Variants in RBFOX1 observed in about 807,000 individuals in gnomAD.
RBFOX1 encodes RNA binding fox-1 homolog 1.
A neutral mutation model predicts 57.7 loss-of-function variants in RBFOX1; 8 were observed. The ratio of observed to expected loss-of-function variants is 0.14; its 90% CI spans 0.08 to 0.25. The LOEUF is 0.25. Among genes scored for constraint, RBFOX1 ranks in the 10% least tolerant of loss-of-function variants. RBFOX1 has a pLI of 1.00. For synonymous variants in RBFOX1, 326 were observed against 222.4 expected (o/e 1.47, Z -4.15); for missense variants, 611 against 548.5 (o/e 1.11, Z -1.14).
intron 4 of RBFOX1, chr16:7,422,774 A>T (rs928407529): frequency 2.0e-5 from 3 of 152,278 alleles, no homozygotes; most frequent in African/African-American, 7.2e-5. Context: ...AGCTTGAGCA[A>T]AGCAGTGTGA....
chr16:6,682,097 C>G (rs1243320206), intron 3 of RBFOX1, among the ~76,000 whole-genome samples: 1 of 152,162 alleles, frequency 6.6e-6, no homozygotes, highest in Non-Finnish European at 1.5e-5. Context: ...TGTCACGATT[C>G]TTTTAAAGTT....
At chr16:6,493,387 C>G (rs1417456665) in intron 2 of RBFOX1, among the ~76,000 whole-genome samples, 1 of 152,144 alleles carries the variant, frequency 6.6e-6, no homozygotes, top group African/African-American at 2.4e-5. Context: ...TTGCTGTACA[C>G]ACTTGTCATT....
At chr16:7,285,085 T>TA (rs2095623153) in intron 4 of RBFOX1, among the ~76,000 whole-genome samples, 1 of 144,746 alleles carries the variant, frequency 6.9e-6, no homozygotes, top group Admixed American at 6.9e-5. Flanking sequence ...CTTTTTTTTT[T>TA]TTTTTTTTTT....
chr16:7,483,134 C>G (rs998003143), intron 4 of RBFOX1, among the ~76,000 whole-genome samples: 2 of 152,126 alleles, frequency 1.3e-5, no homozygotes, highest in Non-Finnish European at 2.9e-5. Flanking sequence ...CCAGCTGTAC[C>G]AAGGCTGTGC....
intron 1 of RBFOX1, among the ~76,000 whole-genome samples, chr16:5,425,123 T>A (rs1323056688): frequency 1.3e-5 from 1 of 74,408 alleles, no homozygotes; most frequent in South Asian, 5.1e-4. Flanking sequence ...CTATCTATCT[T>A]GAGACAGAGT....
intron 2 of RBFOX1, among the ~76,000 whole-genome samples, chr16:5,510,018 C>T (rs2043525874): frequency 6.6e-6 from 1 of 152,138 alleles, no homozygotes; most frequent in African/African-American, 2.4e-5. Flanking sequence ...TCAGCCACGC[C>T]CTACCCCTGG....
At chr16:6,009,526 C>G (rs928137815) in intron 4 of RBFOX1, among the ~76,000 whole-genome samples, 3 of 152,086 alleles carry the variant, frequency 2.0e-5, no homozygotes, top group Non-Finnish European at 4.4e-5. Context: ...CTGCAAAATA[C>G]CTGTAGATTT....
At chr16:5,343,247 A>G (rs1363181836) in intron 1 of RBFOX1, among the ~76,000 whole-genome samples, 2 of 148,924 alleles carry the variant, frequency 1.3e-5, no homozygotes, top group Middle Eastern at 3.6e-3. Flanking sequence ...CTACTTCTGT[A>G]CTTTTCAGTT....
intron 4 of RBFOX1, among the ~76,000 whole-genome samples, chr16:5,871,675 C>T (rs79087869): frequency 0.052 from 7,930 of 152,152 alleles, 267 homozygotes; most frequent in Admixed American, 0.091. Flanking sequence ...CCCAGCCCCA[C>T]GTTGTCTATG....
intron 4 of RBFOX1, among the ~76,000 whole-genome samples, chr16:5,888,293 A>G (rs1019929553): frequency 2.6e-5 from 4 of 152,080 alleles, no homozygotes; most frequent in Admixed American, 2.6e-4. Context: ...GCCTCCCCTC[A>G]TTATCCATCC....
intron 4 of RBFOX1, among the ~76,000 whole-genome samples, chr16:7,453,640 A>G (rs1294384028): frequency 6.6e-6 from 1 of 151,938 alleles, no homozygotes; most frequent in Non-Finnish European, 1.5e-5. Context: ...GCGTGTATAG[A>G]GGATGTGTAA....
At chr16:5,808,366 A>T (rs7204091) in intron 3 of RBFOX1, among the ~76,000 whole-genome samples, 86,067 of 151,990 alleles carry the variant, frequency 0.57, 25,127 homozygotes, top group South Asian at 0.67. Context: ...GCCTCCAGCT[A>T]TGTTCTTTTG....
intron 1 of RBFOX1, among the ~76,000 whole-genome samples, chr16:6,142,189 C>CAAAAAAAAAA (rs71142685): frequency 1.6e-4 from 8 of 49,094 alleles, no homozygotes; most frequent in African/African-American, 7.3e-4. Flanking sequence ...GCTGCTGCTG[C>CAAAAAAAAAA]AAAAAAAAAA....
Position 7,422,157 on chromosome 16 carries a change from C to T in RBFOX1, c.28-95990C>T, listed in dbSNP as rs563557923. On this transcript the variant is annotated intron_variant, in intron 4 of 15. Transcript: ENST00000550418. The stretch of plus-strand genomic sequence containing the variant: ...GTATTTCTGTGTGTATGTTTGTGTA[C>T]GTGTGCGTGTGTGTGCGTGTGCTTG... 1.8e-4 allele frequency among the ~76,000 whole-genome samples: 28 copies of T among 152,190 alleles called. No homozygotes were observed. The South Asian group carries it at 2.7e-3, about 15-fold the overall frequency.
At chr16:7,375,165 C>G (rs1276255218) in intron 4 of RBFOX1, among the ~76,000 whole-genome samples, 1 of 152,228 alleles carries the variant, frequency 6.6e-6, no homozygotes, top group Non-Finnish European at 1.5e-5. Flanking sequence ...AGATTAATAT[C>G]ATTATCCCTA....
intron 3 of RBFOX1, among the ~76,000 whole-genome samples, chr16:7,047,530 G>A (rs191056138): frequency 1.2e-4 from 18 of 151,494 alleles, no homozygotes; most frequent in Admixed American, 4.6e-4. Context: ...ATGTGGTTGT[G>A]GATTTCGTTG....
rs572858641 is a variant in RBFOX1 at position 6,528,650 on chromosome 16, A to G, written c.-63-125953A>G. 2.6e-5 allele frequency among the ~76,000 whole-genome samples: 4 copies of G among 152,338 alleles called. No homozygotes were observed. In the East Asian group the frequency reaches 7.7e-4, roughly 29 times the overall value. On this transcript the variant is annotated intron_variant, in intron 2 of 15. Coordinates refer to ENST00000550418, the MANE Select transcript of RBFOX1 (RefSeq NM_018723.4). Reference sequence around the variant, plus strand: ...GTGAACCAGCTGTGGGCAGGGGCTCATCTTGATATCACTTGTGCTAGGCTT... The same window carrying G: ...GTGAACCAGCTGTGGGCAGGGGCTCGTCTTGATATCACTTGTGCTAGGCTT...
chr16:7,476,387 A>G (rs1314187350), intron 4 of RBFOX1, among the ~76,000 whole-genome samples: 1 of 152,238 alleles, frequency 6.6e-6, no homozygotes, highest in Non-Finnish European at 1.5e-5. Context: ...TGAAGATTTA[A>G]TGAGATGATA....
At chr16:7,548,732 G>T (rs1214668999) in intron 5 of RBFOX1, among the ~76,000 whole-genome samples, 2 of 152,188 alleles carry the variant, frequency 1.3e-5, no homozygotes, top group South Asian at 2.1e-4. Flanking sequence ...AGACAGCTTT[G>T]CTCAGAGTTT....
Sources: allele counts gnomAD v4.1 joint callset (sites outside exome capture counted in the v4.1 genomes callset), GRCh38; gene constraint gnomAD v4.1.1; transcripts MANE v1.5; gene names NCBI Gene and HGNC (gene_info 2026-07-23, HGNC 2026-07-21).